The following CDH13 variants were observed in gnomAD, a reference collection of about 807,000 sequenced individuals.
The protein encoded by CDH13 is cadherin 13, also known as cadherin-13.
Under a neutral mutation model 63.8 loss-of-function variants are expected in CDH13, and 24 were observed. The ratio of observed to expected loss-of-function variants is 0.38; its 90% CI spans 0.27 to 0.53. The LOEUF (loss-of-function observed/expected upper bound fraction) is 0.53, where lower values mean the gene tolerates loss of function less well. CDH13 is among the 20% of genes least tolerant of loss of function. CDH13 has a pLI of 0.85. For synonymous variants in CDH13, 503 were observed against 355.3 expected (o/e 1.42, Z -4.67); for missense variants, 1,049 against 903.1 (o/e 1.16, Z -2.07).
At chr16:83,706,016 G>A (rs1192573350) in intron 10 of CDH13, among the ~76,000 whole-genome samples, 2 of 152,184 alleles carry the variant, frequency 1.3e-5, no homozygotes, top group African/African-American at 2.4e-5. Flanking sequence ...TCGTGTCTCT[G>A]TGGTTTTAAT....
At chr16:83,153,319 A>G (rs1379744593) in intron 4 of CDH13, among the ~76,000 whole-genome samples, 1 of 151,888 alleles carries the variant, frequency 6.6e-6, no homozygotes, top group Non-Finnish European at 1.5e-5. Context: ...CAGTGTCTCT[A>G]TCTGGGTGGT....
At chr16:83,435,429 G>A (rs968186726) in intron 6 of CDH13, among the ~76,000 whole-genome samples, 3 of 152,050 alleles carry the variant, frequency 2.0e-5, no homozygotes, top group Non-Finnish European at 4.4e-5. Context: ...AAAGCCTTCT[G>A]TGGCTCCCCG....
At chr16:82,754,704 T>A (rs948773220) in intron 1 of CDH13, among the ~76,000 whole-genome samples, 1 of 152,226 alleles carries the variant, frequency 6.6e-6, no homozygotes, top group East Asian at 1.9e-4. Flanking sequence ...TTTGTTACGA[T>A]GATTATATGG....
chr16:83,222,846 A>ATGAAACTAT (rs1278009965), intron 5 of CDH13, among the ~76,000 whole-genome samples: 1 of 152,148 alleles, frequency 6.6e-6, no homozygotes, highest in Admixed American at 6.5e-5. Context: ...ATACCCACAT[A>ATGAAACTAT]TGAAACTATT....
chr16:82,765,613 T>A (rs117417070), intron 1 of CDH13, among the ~76,000 whole-genome samples: 7,815 of 152,256 alleles, frequency 0.051, 293 homozygotes, highest in Non-Finnish European at 0.074. Flanking sequence ...TAAAAGAGAA[T>A]AATTGCCTTC....
chr16:82,926,895 C>G (rs1354560832), intron 2 of CDH13, among the ~76,000 whole-genome samples: 1 of 152,182 alleles, frequency 6.6e-6, no homozygotes, highest in Non-Finnish European at 1.5e-5. Context: ...AAGAAACCAT[C>G]ATAAACTTAC....
At chr16:82,794,007 G>T in intron 1 of CDH13, among the ~76,000 whole-genome samples, 1 of 152,040 alleles carries the variant, frequency 6.6e-6, no homozygotes, top group East Asian at 1.9e-4. Context: ...ACCAAGAAGA[G>T]CCTCCCTGCT....
At chr16:83,709,904 T>G (rs1380409517) in intron 10 of CDH13, among the ~76,000 whole-genome samples, 1 of 152,256 alleles carries the variant, frequency 6.6e-6, no homozygotes, top group African/African-American at 2.4e-5. Flanking sequence ...GTCATTGGAT[T>G]TGTAGAAAGA....
chr16:83,072,128 G>T (rs11864443), intron 3 of CDH13, among the ~76,000 whole-genome samples: 25,944 of 152,000 alleles, frequency 0.17, 2,563 homozygotes, highest in African/African-American at 0.27. Flanking sequence ...CCATCTTTTT[G>T]GTACTTAGTT....
chr16:83,691,842 C>G (rs953794461), intron 10 of CDH13, among the ~76,000 whole-genome samples: 1 of 152,128 alleles, frequency 6.6e-6, no homozygotes, highest in African/African-American at 2.4e-5. Flanking sequence ...ATAGCTACAC[C>G]AAATTGCTCA....
chr16:83,721,074 G>C (rs1909631271), intron 10 of CDH13: 1 of 152,282 alleles, frequency 6.6e-6, no homozygotes, highest in South Asian at 2.1e-4. Context: ...ATGGTTGTTT[G>C]ATGTAGACTG....
intron 10 of CDH13, chr16:83,728,989 G>A (rs1030325226): frequency 6.6e-6 from 1 of 152,662 alleles, no homozygotes; most frequent in South Asian, 1.9e-4. Context: ...TCATTTCCTT[G>A]GGGCATGTAC....
intron 8 of CDH13, among the ~76,000 whole-genome samples, chr16:83,666,359 G>C (rs2150847044): frequency 6.6e-6 from 1 of 152,250 alleles, no homozygotes; most frequent in African/African-American, 2.4e-5. Flanking sequence ...CAAAGAAACT[G>C]CTTCATAGTT....
chr16:83,070,379 A>G (rs2032342271), intron 3 of CDH13, among the ~76,000 whole-genome samples: 1 of 152,248 alleles, frequency 6.6e-6, no homozygotes, highest in South Asian at 2.1e-4. Flanking sequence ...TTAAATGATA[A>G]CAAAAATTGG....
chr16:83,617,271 T>C (rs901047625), intron 8 of CDH13, among the ~76,000 whole-genome samples: 7 of 152,338 alleles, frequency 4.6e-5, no homozygotes, highest in African/African-American at 1.4e-4. Flanking sequence ...TTTTGGCTTC[T>C]GATGTACTAT....
intron 8 of CDH13, among the ~76,000 whole-genome samples, chr16:83,616,220 C>A (rs1041244586): frequency 6.6e-6 from 1 of 152,150 alleles, no homozygotes; most frequent in Non-Finnish European, 1.5e-5. Flanking sequence ...ATTATAAACT[C>A]TGTGTGGAAT....
intron 5 of CDH13, among the ~76,000 whole-genome samples, chr16:83,334,339 TCC>T (rs1252231683): frequency 2.5e-4 from 20 of 80,482 alleles, no homozygotes; most frequent in African/African-American, 8.6e-4. Flanking sequence ...TCTCCCTTTC[TCC>T]CTCTCTCTCT....
chr16:83,052,601 G>A (rs775409153), intron 3 of CDH13, among the ~76,000 whole-genome samples: 19 of 152,046 alleles, frequency 1.2e-4, no homozygotes, highest in African/African-American at 3.6e-4. Flanking sequence ...CCAACATGGC[G>A]AAACCCTGTC....
rs1260689951 is a variant in CDH13 at position 83,130,501 on chromosome 16, A to C, written c.483+5000A>C. 2.0e-5 allele frequency among the ~76,000 whole-genome samples: 3 copies of C among 152,328 alleles called. No homozygotes were observed. In the East Asian group the frequency reaches 5.8e-4, roughly 29 times the overall value. ...TGCAATTCTTGGCAATGCACTCAAA[A>C]ATAAGGTGGACAGAGGGTTGGATCA... On this transcript the variant is annotated intron_variant, in intron 4 of 13. Coordinates refer to ENST00000567109, the MANE Select transcript of CDH13 (RefSeq NM_001257.5).
Sources: gnomAD v4.1 joint callset for allele counts (sites outside exome capture counted in the v4.1 genomes callset) on GRCh38, gnomAD v4.1.1 for gene constraint, MANE v1.5 for transcripts, NCBI Gene and HGNC (gene_info 2026-07-23, HGNC 2026-07-21) for gene names.